ATP10B: variants seen among roughly 807,000 people sequenced by gnomAD.
The protein encoded by ATP10B is ATPase phospholipid transporting 10B (putative).
A neutral mutation model predicts 141.2 loss-of-function variants in ATP10B; 122 were observed. That is an observed-to-expected ratio of 0.86 (90% confidence interval 0.75 to 1.00). The LOEUF (loss-of-function observed/expected upper bound fraction) is 1.00, where lower values mean the gene tolerates loss of function less well. Ranked by LOEUF, ATP10B falls within the 50% of genes least tolerant of loss-of-function variation. The pLI, the probability that ATP10B is intolerant of heterozygous loss-of-function variation, is 0.00. For missense variants in ATP10B, 1,876 were observed against 1,825.3 expected, an observed-to-expected ratio of 1.03 and a Z score of -0.51; for synonymous variants, 685 against 692.0, an observed-to-expected ratio of 0.99 and a Z score of 0.16.
At chr5:160,587,840 CTT>C (rs1042690327) in intron 24 of ATP10B, among the ~76,000 whole-genome samples, 1 of 151,104 alleles carries the variant, frequency 6.6e-6, no homozygotes, top group Non-Finnish European at 1.5e-5. Context: ...CTTAGATAAT[CTT>C]TTATTTTTTC....
intron 16 of ATP10B, 89 bp from the exon 17 acceptor site, chr5:160,616,053 G>A: frequency 2.1e-6 from 3 of 1,455,784 alleles, no homozygotes; most frequent in Middle Eastern, 1.9e-4. Context: ...TCTCCTATTG[G>A]CCTGTTTGAA....
intron 3 of ATP10B, among the ~76,000 whole-genome samples, chr5:160,701,828 CA>C (rs574279481): frequency 2.0e-3 from 299 of 150,248 alleles, no homozygotes; most frequent in Middle Eastern, 3.5e-3. Flanking sequence ...TGGGAGCAGT[CA>C]CCCTTCTATT....
intron 2 of ATP10B, 41 bp from the exon 3 acceptor site, chr5:160,717,075 G>A: frequency 2.0e-6 from 2 of 981,396 alleles, no homozygotes; most frequent in Non-Finnish European, 2.4e-6. Context: ...GCAACTAACA[G>A]TTCAGTTATA....
chr5:160,760,155 C>T (rs1768927550), intron 2 of ATP10B, among the ~76,000 whole-genome samples: 1 of 152,198 alleles, frequency 6.6e-6, no homozygotes, highest in Non-Finnish European at 1.5e-5. Context: ...ATTAGGCTGT[C>T]TGAGCACCTT....
At chr5:160,719,508 C>G (rs1450964397) in intron 2 of ATP10B, among the ~76,000 whole-genome samples, 1 of 152,224 alleles carries the variant, frequency 6.6e-6, no homozygotes, top group African/African-American at 2.4e-5. Context: ...TTGCCTAGCA[C>G]TGTGTCCATA....
the ATP10B span, among the ~76,000 whole-genome samples, chr5:160,859,984 C>T: frequency 2.4e-4 from 37 of 151,928 alleles, no homozygotes; most frequent in African/African-American, 7.5e-4. Context: ...TTTACTTGTA[C>T]GTCTTTCGTT....
At position 160,766,337 on chromosome 5, in the gene ATP10B, AACACACACACACAC is replaced by A. The variant is rs58890049; in HGVS notation, c.-331+19208_-331+19221del. 7.6e-3 allele frequency among the ~76,000 whole-genome samples: 1,061 copies of A among 140,392 alleles called. 13 individuals are homozygous for A. Among genetic ancestry groups the A allele is most frequent in the African/African-American group, 0.026 (979 of 37,748 alleles). 92.1% of individuals were successfully genotyped at this position (140,392 alleles called of 152,430 possible). On this transcript the variant is annotated intron_variant, in intron 2 of 25. Transcript: ENST00000327245. ...CACCAATCAATGAGTGGATAAAGAG[AACACACACACACAC>A]ACACACACACACACACACACACACA... is the stretch of plus-strand genomic sequence containing the variant.
chr5:160,570,907 G>A (rs967858394), intron 24 of ATP10B, among the ~76,000 whole-genome samples: 3 of 152,170 alleles, frequency 2.0e-5, no homozygotes, highest in Non-Finnish European at 2.9e-5. Flanking sequence ...GCATTCCACT[G>A]TCTTCTGGCT....
chr5:160,927,323 T>C, the ATP10B span, among the ~76,000 whole-genome samples: 248 of 152,276 alleles, frequency 1.6e-3, no homozygotes, highest in African/African-American at 5.8e-3. Context: ...CCCCCACATC[T>C]TTAAGATCAA....
At chr5:160,903,413 C>T in the ATP10B span, among the ~76,000 whole-genome samples, 17,491 of 152,132 alleles carry the variant, frequency 0.11, 1,107 homozygotes, top group African/African-American at 0.14. Flanking sequence ...TTGGTGTACA[C>T]GCTCTCACAG....
intron 24 of ATP10B, among the ~76,000 whole-genome samples, chr5:160,574,911 A>T (rs1755097531): frequency 6.6e-6 from 1 of 151,336 alleles, no homozygotes; most frequent in Non-Finnish European, 1.5e-5. Flanking sequence ...TCTTAGACTT[A>T]TCAGCCCCTA....
At chr5:160,607,207 G>T in intron 18 of ATP10B, 121 bp from the exon 19 acceptor site, 1 of 815,906 alleles carries the variant, frequency 1.2e-6, no homozygotes. Context: ...TTATTTACAA[G>T]CTATTCTCCA....
At chr5:160,733,667 A>T (rs559397835) in intron 2 of ATP10B, among the ~76,000 whole-genome samples, 68 of 4,792 alleles carry the variant, frequency 0.014, no homozygotes, top group African/African-American at 0.073. Context: ...ATGTAACGTT[A>T]TATATATATA....
At chr5:160,640,327 T>A (rs567945758) in intron 10 of ATP10B, 134 bp downstream of exon 10, 3 of 932,302 alleles carry the variant, frequency 3.2e-6, no homozygotes, top group African/African-American at 3.3e-5. Flanking sequence ...CATTTTCATT[T>A]CATTGGCATC....
chr5:160,812,043 AGAGAGAGAGAGAGAGAGG>A (rs1773205491), intron 1 of ATP10B, among the ~76,000 whole-genome samples: 1 of 143,680 alleles, frequency 7.0e-6, no homozygotes, highest in African/African-American at 2.5e-5. Context: ...AGAGAGAGAG[AGAGAGAGAGAGAGAGAGG>A]GAGAGGGAGA....
chr5:160,918,166 A>G, the ATP10B span, among the ~76,000 whole-genome samples: 5 of 152,228 alleles, frequency 3.3e-5, no homozygotes, highest in Non-Finnish European at 7.3e-5. Context: ...GCCAGACACT[A>G]TGTTAGGTGC....
intron 7 of ATP10B, among the ~76,000 whole-genome samples, chr5:160,656,365 T>G (rs1761491066): frequency 6.6e-6 from 1 of 152,164 alleles, no homozygotes; most frequent in African/African-American, 2.4e-5. Flanking sequence ...TTGAGTGGAA[T>G]GACTCAAGGG....
At chr5:160,840,773 A>C (rs1311551200) in intron 1 of ATP10B, among the ~76,000 whole-genome samples, 1 of 152,198 alleles carries the variant, frequency 6.6e-6, no homozygotes, top group East Asian at 1.9e-4. Flanking sequence ...TTATCATTCT[A>C]TAGCAAAATG....
At chr5:160,781,233 G>C (rs756859745) in intron 2 of ATP10B, among the ~76,000 whole-genome samples, 2 of 152,154 alleles carry the variant, frequency 1.3e-5, no homozygotes, top group African/African-American at 2.4e-5. Context: ...TCAGTAGGAT[G>C]GTCTGGGTGA....
Sources: gnomAD v4.1 joint callset for allele counts (sites outside exome capture counted in the v4.1 genomes callset) on GRCh38, gnomAD v4.1.1 for gene constraint, MANE v1.5 for transcripts, NCBI Gene and HGNC (gene_info 2026-07-23, HGNC 2026-07-21) for gene names.